The following PCSK1 variants were observed in gnomAD, a reference collection of about 807,000 sequenced individuals.
PCSK1 encodes neuroendocrine convertase 1.
In PCSK1, 56 loss-of-function variants were observed where a neutral mutation model predicts 90.6. The ratio of observed to expected loss-of-function variants is 0.62; its 90% CI spans 0.50 to 0.77. The LOEUF (loss-of-function observed/expected upper bound fraction) is 0.77, where lower values mean the gene tolerates loss of function less well. Ranked by LOEUF, PCSK1 falls within the 30% of genes least tolerant of loss-of-function variation. PCSK1 has a pLI of 0.00. For synonymous variants in PCSK1, 348 were observed against 342.4 expected (o/e 1.02, Z -0.18); for missense variants, 801 against 932.6 (o/e 0.86, Z 1.84).
chr5:96,426,921 C>G (rs1761326824), intron 2 of PCSK1, among the ~76,000 whole-genome samples: 1 of 152,130 alleles, frequency 6.6e-6, no homozygotes, highest in African/African-American at 2.4e-5. Context: ...TGGGAAGAAC[C>G]TGAAAGCTAG....
intron 10 of PCSK1, among the ~76,000 whole-genome samples, 197 bp downstream of exon 10, chr5:96,399,756 A>G (rs1269018431): frequency 6.6e-6 from 1 of 152,202 alleles, no homozygotes; most frequent in Non-Finnish European, 1.5e-5. Context: ...TACAAGAGGA[A>G]CATGCAAATG....
chr5:96,422,664 G>A (rs1245867300), intron 4 of PCSK1, among the ~76,000 whole-genome samples: 2 of 152,138 alleles, frequency 1.3e-5, no homozygotes, highest in Non-Finnish European at 2.9e-5. Context: ...GCTGGGGAAT[G>A]TTTGATAGGT....
chr5:96,423,251 CCTAA>C, intron 4 of PCSK1, 58 bp downstream of exon 4: 1 of 1,512,928 alleles, frequency 6.6e-7, no homozygotes, highest in Non-Finnish European at 9.0e-7. Flanking sequence ...GAAGGAAAGC[CCTAA>C]CTGTGTGTCT....
chr5:96,408,831 T>C (rs1215693281), intron 8 of PCSK1, among the ~76,000 whole-genome samples: 1 of 152,236 alleles, frequency 6.6e-6, no homozygotes, highest in Non-Finnish European at 1.5e-5. Context: ...TAATATGTAG[T>C]TTGCACTCAC....
chr5:96,420,672 G>A (rs1761095850), intron 5 of PCSK1, among the ~76,000 whole-genome samples: 1 of 137,512 alleles, frequency 7.3e-6, no homozygotes, highest in Non-Finnish European at 1.5e-5. Flanking sequence ...ACTATCCAAA[G>A]AAAGAAATAA....
At chr5:96,417,884 A>G (rs977854721) in intron 5 of PCSK1, among the ~76,000 whole-genome samples, 3 of 152,186 alleles carry the variant, frequency 2.0e-5, no homozygotes, top group Non-Finnish European at 4.4e-5. Flanking sequence ...TTCAGTTGTC[A>G]TCTCTGAGAA....
chr5:96,411,907 T>G (rs1760766218), intron 7 of PCSK1, among the ~76,000 whole-genome samples: 2 of 152,178 alleles, frequency 1.3e-5, no homozygotes, highest in Non-Finnish European at 2.9e-5. Context: ...CCTTCTGGGT[T>G]CAAGCAATTC....
chr5:96,399,788 T>C (rs1039586736), intron 10 of PCSK1, among the ~76,000 whole-genome samples, 165 bp downstream of exon 10: 2 of 152,108 alleles, frequency 1.3e-5, no homozygotes, highest in African/African-American at 2.4e-5. Flanking sequence ...TTCTAGAGCT[T>C]TGGTCTCTTA....
rs1333452339 is a variant in PCSK1, at chr5:96,398,524, T to C, written c.1588+355A>G. Among the ~76,000 whole-genome samples, 13 of 152,356 alleles carry C rather than the reference T, an allele frequency of 8.5e-5. No individual in the cohort carries two copies. In the South Asian group the frequency reaches 1.9e-3, roughly 22 times the overall value. ...ATGGACTCCTTGTATGTTTCGGATA[T>C]ATCTGTGAGTTTGGTTAATTATCAG... is the stretch of plus-strand genomic sequence containing the variant. On this transcript the variant is annotated intron_variant, in intron 11 of 13. Transcript: ENST00000311106.
chr5:96,410,770 A>C lies in PCSK1; in HGVS notation c.1095+4T>G, dbSNP rs1386620625. On this transcript the variant is annotated splice_donor_region_variant and intron_variant, in intron 8 of 13. Coordinates refer to ENST00000311106, the MANE Select transcript of PCSK1 (RefSeq NM_000439.5). ...GCAGAGAGAATTAGACAAAAGCAAC[A>C]TACGATTCTCTGGTCGGTGTAATCT... The C allele has an allele frequency of 6.2e-7, 1 of 1,610,520 alleles. No individual in the cohort carries two copies. Among genetic ancestry groups the C allele is most frequent in the Non-Finnish European group, 8.5e-7 (1 of 1,176,652 alleles).
chr5:96,424,981 G>GAAAGAAAGAAAGAAAGAGAAAGAAAGA, intron 3 of PCSK1, among the ~76,000 whole-genome samples: 12 of 126,114 alleles, frequency 9.5e-5, no homozygotes, highest in Admixed American at 3.3e-4. Context: ...AAGAAAGATA[G>GAAAGAAAGAAAGAAAGAGAAAGAAAGA]AAAGAAAGAA....
At chr5:96,404,309 A>G (rs1006262287) in intron 9 of PCSK1, among the ~76,000 whole-genome samples, 8 of 152,216 alleles carry the variant, frequency 5.3e-5, no homozygotes, top group Admixed American at 4.6e-4. Context: ...AGGAATTCCT[A>G]GGTTGAATAC....
intron 9 of PCSK1, among the ~76,000 whole-genome samples, chr5:96,403,472 G>A (rs142475511): frequency 6.4e-4 from 97 of 152,116 alleles, no homozygotes; most frequent in African/African-American, 2.3e-3. Flanking sequence ...TTGTTCATTC[G>A]TGTGCTTGTA....
chr5:96,422,265 G>A (rs539168012), intron 4 of PCSK1, among the ~76,000 whole-genome samples: 4 of 152,232 alleles, frequency 2.6e-5, no homozygotes, highest in Admixed American at 6.5e-5. Flanking sequence ...AGTCATCTCA[G>A]TTTTCAGATG....
intron 5 of PCSK1, among the ~76,000 whole-genome samples, chr5:96,421,226 C>A (rs1188765319): frequency 6.6e-6 from 1 of 152,064 alleles, no homozygotes; most frequent in African/African-American, 2.4e-5. Context: ...TGGCTCTTGG[C>A]CTCTCTCACC....
chr5:96,408,441 C>T (rs1265511629), intron 8 of PCSK1, 118 bp from the exon 9 acceptor site: 2 of 731,630 alleles, frequency 2.7e-6, no homozygotes, highest in African/African-American at 1.7e-5. Context: ...TCAGCTGATT[C>T]GATTGCCTAC....
At chr5:96,428,371 A>T (rs751401996) in intron 2 of PCSK1, among the ~76,000 whole-genome samples, 12 of 152,196 alleles carry the variant, frequency 7.9e-5, no homozygotes, top group Non-Finnish European at 1.3e-4. Context: ...CACAGATATC[A>T]GGCGAATCAG....
chr5:96,405,814 A>G (rs1760540470), intron 9 of PCSK1, among the ~76,000 whole-genome samples: 1 of 152,252 alleles, frequency 6.6e-6, no homozygotes, highest in Admixed American at 6.5e-5. Context: ...ACTTCTGTTC[A>G]GCAGATGGAT....
intron 1 of PCSK1, among the ~76,000 whole-genome samples, chr5:96,431,688 A>G (rs1477917769): frequency 1.3e-5 from 2 of 152,188 alleles, no homozygotes; most frequent in African/African-American, 2.4e-5. Context: ...TATAAAGTTG[A>G]GAATGAAGCC....
Sources: allele counts gnomAD v4.1 joint callset (sites outside exome capture counted in the v4.1 genomes callset), GRCh38; gene constraint gnomAD v4.1.1; transcripts MANE v1.5; gene names NCBI Gene and HGNC (gene_info 2026-07-23, HGNC 2026-07-21).